Variants in FLNB observed in about 807,000 individuals in gnomAD.
FLNB encodes the protein filamin-B.
In FLNB, 111 loss-of-function variants were observed where a neutral mutation model predicts 250.6. That is an observed-to-expected ratio of 0.44 (90% CI 0.38 to 0.52). The LOEUF is 0.52. FLNB is among the 20% of genes least tolerant of loss of function. The pLI, the probability that FLNB is intolerant of heterozygous loss-of-function variation, is 0.00. For missense variants in FLNB, 2,869 were observed against 3,447.8 expected (o/e 0.83, Z 4.20); for synonymous variants, 1,302 against 1,372.1 (o/e 0.95, Z 1.13).
intron 1 of FLNB, among the ~76,000 whole-genome samples, chr3:58,050,900 C>A (rs191582033): frequency 3.0e-4 from 46 of 152,316 alleles, no homozygotes; most frequent in Middle Eastern, 3.4e-3. Context: ...AATATTTGTT[C>A]CTATTGCGGG....
chr3:58,099,887 C>G (rs985668073), intron 8 of FLNB, among the ~76,000 whole-genome samples: 1 of 152,164 alleles, frequency 6.6e-6, no homozygotes, highest in East Asian at 1.9e-4. Flanking sequence ...TGTCTAATTG[C>G]CTTTAAACAC....
chr3:58,104,885 A>G (rs2097257106), intron 10 of FLNB, among the ~76,000 whole-genome samples, 195 bp from the exon 11 acceptor site: 1 of 152,196 alleles, frequency 6.6e-6, no homozygotes, highest in African/African-American at 2.4e-5. Context: ...AGAAGCAGTC[A>G]CATTACATTA....
In FLNB at chr3:58,109,109, G is replaced by A. The variant is rs1045358227; in HGVS notation, c.2056-70G>A. 3 of 1,600,508 alleles carry A rather than the reference G, an allele frequency of 1.9e-6. No individual in the cohort carries two copies. The African/African-American group carries it at 4.0e-5, about 21-fold the overall frequency. On this transcript the variant is annotated intron_variant, in intron 13 of 45. Coordinates refer to ENST00000295956, the MANE Select transcript of FLNB (RefSeq NM_001457.4). ...AGTGGTGACTTGGCTGTCTTGGGAGGCCACAGTGACCCTGTCTGATAGAGA... is the reference window on the plus strand; with the variant it reads ...AGTGGTGACTTGGCTGTCTTGGGAGACCACAGTGACCCTGTCTGATAGAGA...
At chr3:58,147,053 A>G (rs935680978) in intron 34 of FLNB, 60 bp downstream of exon 34, 6 of 1,564,406 alleles carry the variant, frequency 3.8e-6, no homozygotes, top group Non-Finnish European at 8.8e-7. Context: ...TCTGACTGCC[A>G]CCCTCCTTAT....
intron 18 of FLNB, among the ~76,000 whole-genome samples, chr3:58,118,010 T>C (rs1169159005): frequency 6.6e-6 from 1 of 152,172 alleles, no homozygotes; most frequent in Non-Finnish European, 1.5e-5. Flanking sequence ...GAAGGGGATC[T>C]TGATCTACTG....
At chr3:58,030,474 C>T (rs963317910) in intron 1 of FLNB, among the ~76,000 whole-genome samples, 1 of 152,140 alleles carries the variant, frequency 6.6e-6, no homozygotes, top group African/African-American at 2.4e-5. Flanking sequence ...CCTGTGAGAA[C>T]TCCACTCTGA....
At position 58,029,887 on chromosome 3, in the gene FLNB, G is replaced by T. The variant is rs555229617; in HGVS notation, c.292+21031G>T. Among the ~76,000 whole-genome samples, 32 of 152,252 alleles carry T rather than the reference G, an allele frequency of 2.1e-4. No homozygotes were observed. In the South Asian group the frequency reaches 6.2e-3, roughly 30 times the overall value. ...GACTGAGTGTACATGCTTTCTCTGA[G>T]GCCTCCGTCCTCACTGCTCTCATCT... On this transcript the variant is annotated intron_variant, in intron 1 of 45. Coordinates refer to ENST00000295956, the MANE Select transcript of FLNB (RefSeq NM_001457.4).
At chr3:58,137,366 T>A (rs1355806129) in intron 28 of FLNB, among the ~76,000 whole-genome samples, 1 of 152,224 alleles carries the variant, frequency 6.6e-6, no homozygotes, top group Non-Finnish European at 1.5e-5. Context: ...ATTGATGGCA[T>A]GTTAACGTTG....
At chr3:58,102,718 A>G (rs774578780) in intron 9 of FLNB, among the ~76,000 whole-genome samples, 2 of 152,258 alleles carry the variant, frequency 1.3e-5, no homozygotes, top group Non-Finnish European at 2.9e-5. Context: ...GCTGGAATTC[A>G]AGCACAGTCT....
chr3:58,085,768 G>C (rs1218710950), intron 4 of FLNB, among the ~76,000 whole-genome samples: 3 of 152,180 alleles, frequency 2.0e-5, no homozygotes, highest in African/African-American at 7.2e-5. Flanking sequence ...TTCTATCTGA[G>C]TAATCAGAGG....
At chr3:58,113,633 C>G (rs867539422) in intron 18 of FLNB, among the ~76,000 whole-genome samples, 18 of 152,270 alleles carry the variant, frequency 1.2e-4, no homozygotes, top group Middle Eastern at 6.8e-3. Flanking sequence ...TGGCCCCTTA[C>G]ATCCAGGCTT....
At chr3:58,136,336 T>C (rs2097315841) in intron 28 of FLNB, among the ~76,000 whole-genome samples, 168 bp downstream of exon 28, 1 of 152,238 alleles carries the variant, frequency 6.6e-6, no homozygotes, top group African/African-American at 2.4e-5. Context: ...TGGAGAACAT[T>C]TAGATCCAAG....
At chr3:58,149,810 G>A in intron 36 of FLNB, 40 bp from the exon 37 acceptor site, 1 of 1,613,856 alleles carries the variant, frequency 6.2e-7, no homozygotes, top group Non-Finnish European at 8.5e-7. Context: ...CTCTTCCTGA[G>A]GAGCTGCTGT....
intron 18 of FLNB, among the ~76,000 whole-genome samples, chr3:58,116,121 T>C (rs1278948168): frequency 1.3e-5 from 2 of 151,960 alleles, no homozygotes; most frequent in Non-Finnish European, 1.5e-5. Flanking sequence ...TGTAATCTGG[T>C]AGAGGAGTGA....
At chr3:58,113,017 A>T (rs867835533) in intron 18 of FLNB, among the ~76,000 whole-genome samples, 1 of 152,132 alleles carries the variant, frequency 6.6e-6, no homozygotes, top group Non-Finnish European at 1.5e-5. Flanking sequence ...TAAAAACATT[A>T]AAAAAAATTT....
intron 11 of FLNB, among the ~76,000 whole-genome samples, chr3:58,105,596 AT>A (rs1206453948): frequency 6.6e-6 from 1 of 152,238 alleles, no homozygotes; most frequent in Non-Finnish European, 1.5e-5. Context: ...TATATTTTAA[AT>A]ACATGTCTAA....
chr3:58,040,072 G>A (rs536489918), intron 1 of FLNB, among the ~76,000 whole-genome samples: 10 of 152,282 alleles, frequency 6.6e-5, no homozygotes, highest in African/African-American at 1.9e-4. Context: ...TTGAACCTGG[G>A]AGGCAGAGGT....
At chr3:58,160,582 G>A (rs1362739693) in intron 42 of FLNB, among the ~76,000 whole-genome samples, 3 of 152,192 alleles carry the variant, frequency 2.0e-5, no homozygotes, top group African/African-American at 4.8e-5. Flanking sequence ...AGTTCAGGAG[G>A]GCTTCTCAGA....
rs1298008272 is a variant in FLNB, at chr3:58,111,856, A to G, written c.2550A>G (p.Ala850=). Residue 850 remains alanine, a synonymous_variant, in exon 17 of 46, where the codon GCA becomes GCG. Coordinates refer to ENST00000295956, the MANE Select transcript of FLNB (RefSeq NM_001457.4). ...CCCACGATGCCAGCAAAGTGAAGGCAGAAGGCCCAGGGCTCAGCAAAGCAG... is the reference window on the plus strand; with the variant it reads ...CCCACGATGCCAGCAAAGTGAAGGCGGAAGGCCCAGGGCTCAGCAAAGCAG... The part of the protein sequence containing the change: ...DPSHDASKVK[A]EGPGLSKAGV... 3.1e-6 allele frequency: 5 copies of G among 1,614,174 alleles called. No individual in the cohort carries two copies. Among genetic ancestry groups the G allele is most frequent in the Non-Finnish European group, 1.7e-6 (2 of 1,179,984 alleles).
Sources: gnomAD v4.1 joint callset for allele counts (sites outside exome capture counted in the v4.1 genomes callset) on GRCh38, gnomAD v4.1.1 for gene constraint, MANE v1.5 for transcripts, NCBI Gene and HGNC (gene_info 2026-07-23, HGNC 2026-07-21) for gene names.